GALNT13: variants seen among roughly 807,000 people sequenced by gnomAD.
The protein encoded by GALNT13 is UDP-GalNAc:polypeptide N-acetylgalactosaminyltransferase 13.
A neutral mutation model predicts 64.2 loss-of-function variants in GALNT13; 28 were observed. The ratio of observed to expected loss-of-function variants is 0.44; its 90% CI spans 0.32 to 0.60. The LOEUF (loss-of-function observed/expected upper bound fraction) is 0.60. GALNT13 is among the 20% of genes least tolerant of loss of function. The probability of loss-of-function intolerance (pLI) is 0.05; values close to 1 mark genes in which losing one functional copy is unlikely to be tolerated. For missense variants in GALNT13, 577 were observed against 669.8 expected (o/e 0.86, Z 1.53); for synonymous variants, 214 against 224.6 (o/e 0.95, Z 0.42).
chr2:153,630,271 G>A, the GALNT13 span, among the ~76,000 whole-genome samples: 2 of 151,872 alleles, frequency 1.3e-5, no homozygotes, highest in East Asian at 3.9e-4. Flanking sequence ...ATGATAGACT[G>A]GATTAAGAAA....
intron 3 of GALNT13, among the ~76,000 whole-genome samples, chr2:154,066,206 G>A (rs1700454941): frequency 6.6e-6 from 1 of 152,054 alleles, no homozygotes; most frequent in Non-Finnish European, 1.5e-5. Flanking sequence ...GAATAGAAAA[G>A]ATTGAAGCAC....
chr2:153,446,701 A>T, the GALNT13 span: 5 of 152,098 alleles, frequency 3.3e-5, no homozygotes, highest in African/African-American at 1.2e-4. Context: ...ATTTTTCAGA[A>T]TTTTTTGCCT....
intron 9 of GALNT13, among the ~76,000 whole-genome samples, chr2:154,329,363 A>G (rs574801133): frequency 6.6e-6 from 1 of 152,322 alleles, no homozygotes; most frequent in South Asian, 2.1e-4. Flanking sequence ...TCGGCCTCCC[A>G]AAGTGCTGGG....
At chr2:154,407,598 C>T (rs1193403645) in intron 10 of GALNT13, among the ~76,000 whole-genome samples, 1 of 2,396 alleles carries the variant, frequency 4.2e-4, no homozygotes, top group East Asian at 0.25. Flanking sequence ...CCTATATGAA[C>T]AGGTACCGGG....
chr2:153,896,113 T>C (rs1687878407), intron 1 of GALNT13, among the ~76,000 whole-genome samples: 1 of 145,084 alleles, frequency 6.9e-6, no homozygotes, highest in Non-Finnish European at 1.5e-5. Context: ...TAAAAAAAAC[T>C]TGCCACTTTC....
the GALNT13 span, among the ~76,000 whole-genome samples, chr2:153,838,824 CT>C: frequency 1.8e-4 from 27 of 151,784 alleles, no homozygotes; most frequent in Non-Finnish European, 3.5e-4. Flanking sequence ...TGAAAAATGT[CT>C]TTGAAGTTTT....
chr2:153,288,452 C>T, the GALNT13 span, among the ~76,000 whole-genome samples: 7 of 152,160 alleles, frequency 4.6e-5, no homozygotes, highest in Non-Finnish European at 8.8e-5. Context: ...TTAAATTGGA[C>T]ACCATTCTGA....
At chr2:154,110,779 C>T (rs776348344) in intron 3 of GALNT13, among the ~76,000 whole-genome samples, 5 of 152,114 alleles carry the variant, frequency 3.3e-5, no homozygotes, top group Non-Finnish European at 5.9e-5. Context: ...AGTAGACACT[C>T]AGTATTAACC....
chr2:153,920,085 A>G (rs532168514), intron 2 of GALNT13, among the ~76,000 whole-genome samples: 1 of 150,530 alleles, frequency 6.6e-6, no homozygotes, highest in South Asian at 2.1e-4. Context: ...AATACCTTCT[A>G]TATTCCTGGT....
At chr2:154,266,150 G>C (rs542196632) in intron 8 of GALNT13, among the ~76,000 whole-genome samples, 20 of 152,236 alleles carry the variant, frequency 1.3e-4, no homozygotes, top group Non-Finnish European at 2.1e-4. Flanking sequence ...TAAAGGGTTT[G>C]AGCAAAAAAA....
intron 11 of GALNT13, among the ~76,000 whole-genome samples, chr2:154,413,302 C>A (rs1699872350): frequency 6.6e-6 from 1 of 151,880 alleles, no homozygotes; most frequent in Non-Finnish European, 1.5e-5. Flanking sequence ...CGATTAGTCA[C>A]CAAATCCCAA....
the GALNT13 span, among the ~76,000 whole-genome samples, chr2:153,844,690 T>A: frequency 2.0e-5 from 3 of 152,220 alleles, no homozygotes; most frequent in African/African-American, 7.2e-5. Flanking sequence ...TTCCAAACCT[T>A]TCTCTCTGCT....
At chr2:153,687,703 A>C in the GALNT13 span, among the ~76,000 whole-genome samples, 1 of 152,014 alleles carries the variant, frequency 6.6e-6, no homozygotes, top group African/African-American at 2.4e-5. Context: ...CTTTTGTACA[A>C]TAACATAGAT....
the GALNT13 span, among the ~76,000 whole-genome samples, chr2:153,774,769 G>A: frequency 2.0e-5 from 3 of 152,012 alleles, no homozygotes; most frequent in Admixed American, 1.3e-4. Context: ...AAAAAAACAG[G>A]CATGGTGGCA....
the GALNT13 span, among the ~76,000 whole-genome samples, chr2:153,529,624 A>C: frequency 6.6e-6 from 1 of 152,016 alleles, no homozygotes; most frequent in African/African-American, 2.4e-5. Flanking sequence ...ATACAGGCCA[A>C]TATCTCATGA....
chr2:153,560,343 A>G, the GALNT13 span, among the ~76,000 whole-genome samples: 1 of 152,066 alleles, frequency 6.6e-6, no homozygotes, highest in Non-Finnish European at 1.5e-5. Flanking sequence ...TAATACTTCT[A>G]TGATTTTTTC....
intron 11 of GALNT13, among the ~76,000 whole-genome samples, chr2:154,427,673 G>A (rs989170722): frequency 6.6e-6 from 1 of 152,144 alleles, no homozygotes; most frequent in Non-Finnish European, 1.5e-5. Flanking sequence ...TAGAATTTTA[G>A]AGCATTAAAG....
At chr2:154,133,580 A>ATATATATG (rs1249623892) in intron 3 of GALNT13, among the ~76,000 whole-genome samples, 10 of 123,576 alleles carry the variant, frequency 8.1e-5, no homozygotes, top group Non-Finnish European at 1.5e-4. Flanking sequence ...ATATATATAT[A>ATATATATG]TATATCTGAG....
chr2:153,759,793 G>C, the GALNT13 span, among the ~76,000 whole-genome samples: 1 of 151,628 alleles, frequency 6.6e-6, no homozygotes, highest in Non-Finnish European at 1.5e-5. Context: ...TAATGTCCTT[G>C]TCTGGCTTTG....
Sources: allele counts gnomAD v4.1 joint callset (sites outside exome capture counted in the v4.1 genomes callset), GRCh38; gene constraint gnomAD v4.1.1; transcripts MANE v1.5; gene names NCBI Gene and HGNC (gene_info 2026-07-23, HGNC 2026-07-21).